SGCZ: variants seen among roughly 807,000 people sequenced by gnomAD.
SGCZ encodes the protein zeta-sarcoglycan.
A neutral mutation model predicts 41.3 loss-of-function variants in SGCZ; 40 were observed. The observed-to-expected ratio is 0.97, with a 90% confidence interval of 0.75 to 1.26. The LOEUF (loss-of-function observed/expected upper bound fraction) is 1.26. SGCZ is among the 50% of genes most tolerant of loss of function. The probability of loss-of-function intolerance (pLI) is 0.00; values close to 1 mark genes in which losing one functional copy is unlikely to be tolerated. For synonymous variants in SGCZ, 206 were observed against 137.5 expected (o/e 1.50, Z -3.49); for missense variants, 552 against 369.8 (o/e 1.49, Z -4.04).
chr8:14,989,559 C>A (rs184304948), intron 1 of SGCZ, among the ~76,000 whole-genome samples: 1 of 151,826 alleles, frequency 6.6e-6, no homozygotes, highest in East Asian at 1.9e-4. Context: ...GGGTAAGCAA[C>A]GTGCTCAGAG....
At chr8:14,209,598 A>T (rs745529039) in intron 4 of SGCZ, among the ~76,000 whole-genome samples, 1 of 152,166 alleles carries the variant, frequency 6.6e-6, no homozygotes, top group Non-Finnish European at 1.5e-5. Flanking sequence ...AGAATATTTA[A>T]TATAGGACAT....
chr8:14,832,258 T>C (rs1249097836), intron 1 of SGCZ, among the ~76,000 whole-genome samples: 1 of 152,198 alleles, frequency 6.6e-6, no homozygotes, highest in Non-Finnish European at 1.5e-5. Context: ...TGGATAACTA[T>C]CAATAAAGCT....
chr8:14,530,047 C>G (rs548218374), intron 2 of SGCZ, among the ~76,000 whole-genome samples: 41 of 152,008 alleles, frequency 2.7e-4, no homozygotes, highest in Non-Finnish European at 5.0e-4. Context: ...TTTAAACATC[C>G]TTAATCTGCC....
intron 1 of SGCZ, among the ~76,000 whole-genome samples, chr8:14,704,800 AAAC>A (rs953428105): frequency 3.9e-5 from 6 of 151,948 alleles, no homozygotes; most frequent in Non-Finnish European, 7.4e-5. Context: ...ACAAAAAAAC[AAAC>A]AACAACAACA....
At chr8:14,301,273 A>G (rs1283211977) in intron 3 of SGCZ, among the ~76,000 whole-genome samples, 1 of 152,018 alleles carries the variant, frequency 6.6e-6, no homozygotes, top group Non-Finnish European at 1.5e-5. Flanking sequence ...TCTTTATAGA[A>G]TCTCCTCTTC....
At chr8:14,892,804 A>T (rs949066558) in intron 1 of SGCZ, among the ~76,000 whole-genome samples, 4 of 152,106 alleles carry the variant, frequency 2.6e-5, no homozygotes, top group Non-Finnish European at 5.9e-5. Flanking sequence ...GATTGTACCC[A>T]TTTCACTCTT....
intron 2 of SGCZ, among the ~76,000 whole-genome samples, chr8:14,469,889 T>A (rs1031444262): frequency 6.6e-6 from 1 of 152,184 alleles, no homozygotes; most frequent in African/African-American, 2.4e-5. Context: ...TATCTTGTCC[T>A]GTGAATTTAT....
chr8:14,282,424 C>A (rs1800478376), intron 3 of SGCZ, among the ~76,000 whole-genome samples: 3 of 152,126 alleles, frequency 2.0e-5, no homozygotes. Context: ...GTAACTATCT[C>A]TTGATCCCTC....
At chr8:14,673,339 T>C (rs151018684) in intron 1 of SGCZ, among the ~76,000 whole-genome samples, 3 of 152,334 alleles carry the variant, frequency 2.0e-5, no homozygotes, top group South Asian at 2.1e-4. Context: ...TCCCCCATGC[T>C]ATTCTCATGA....
intron 1 of SGCZ, among the ~76,000 whole-genome samples, chr8:14,614,760 G>C (rs1324489252): frequency 2.0e-5 from 3 of 152,234 alleles, no homozygotes; most frequent in East Asian, 3.9e-4. Flanking sequence ...AGTGAAGAGA[G>C]TTAACATAAG....
At chr8:14,150,553 C>G (rs1412244565) in intron 5 of SGCZ, among the ~76,000 whole-genome samples, 1 of 152,024 alleles carries the variant, frequency 6.6e-6, no homozygotes, top group African/African-American at 2.4e-5. Flanking sequence ...GAAAAGGGAA[C>G]CCTTGTATAC....
intron 1 of SGCZ, among the ~76,000 whole-genome samples, chr8:14,860,091 G>C (rs994015532): frequency 6.6e-6 from 1 of 151,028 alleles, no homozygotes; most frequent in Non-Finnish European, 1.5e-5. Flanking sequence ...ACAGAAACTA[G>C]AAAACATAAA....
At chr8:14,573,283 C>T (rs1034017987) in intron 1 of SGCZ, among the ~76,000 whole-genome samples, 25 of 150,624 alleles carry the variant, frequency 1.7e-4, no homozygotes, top group African/African-American at 5.9e-4. Context: ...CTGCAAGCTC[C>T]GCCTCCCGGG....
intron 2 of SGCZ, among the ~76,000 whole-genome samples, chr8:14,490,639 A>G (rs1554526235): frequency 6.6e-6 from 1 of 152,174 alleles, no homozygotes; most frequent in Non-Finnish European, 1.5e-5. Context: ...CCAACCAATC[A>G]TTTATTGAGT....
At chr8:14,820,242 A>G (rs1802033716) in intron 1 of SGCZ, among the ~76,000 whole-genome samples, 2 of 152,070 alleles carry the variant, frequency 1.3e-5, no homozygotes, top group Non-Finnish European at 2.9e-5. Flanking sequence ...ACTTATAAAC[A>G]GACTTTAAGT....
At position 14,998,281 on chromosome 8, in the gene SGCZ, A is replaced by G. The variant is rs1279515847; in HGVS notation, c.39+239304T>C. 1.3e-5 allele frequency among the ~76,000 whole-genome samples: 2 copies of G among 152,226 alleles called. 1 individual carries two copies. The highest frequency in any genetic ancestry group is 2.9e-5 in the Non-Finnish European group (2 of 68,050). On this transcript the variant is annotated intron_variant, in intron 1 of 7. Coordinates refer to ENST00000382080, the MANE Select transcript of SGCZ (RefSeq NM_139167.4). ...GTTAAGAATATAACAGGCCTGTTGAACCCAGCCTAAGGCATCTTTTCCATG... is the reference window on the plus strand; with the variant it reads ...GTTAAGAATATAACAGGCCTGTTGAGCCCAGCCTAAGGCATCTTTTCCATG...
rs138897773 is a variant in SGCZ at position 15,198,479 on chromosome 8, G to C, written c.39+39106C>G. On this transcript the variant is annotated intron_variant, in intron 1 of 7. Transcript: ENST00000382080. ...CTATTGAAAATTTAGGTTAGGAAAT[G>C]AAAGTTTTTAAAAGTAGCACATCAA... Among the ~76,000 whole-genome samples the C allele has an allele frequency of 4.4e-3, 667 of 152,198 alleles. 5 individuals are homozygous for C. The highest frequency in any genetic ancestry group is 0.015 in the African/African-American group (630 of 41,530).
intron 3 of SGCZ, among the ~76,000 whole-genome samples, chr8:14,240,275 C>T (rs1208870262): frequency 6.9e-6 from 1 of 144,670 alleles, no homozygotes; most frequent in African/African-American, 2.6e-5. Context: ...ATTCAGTGAG[C>T]CCAGATTGCA....
At chr8:14,548,630 C>T (rs956996812) in intron 2 of SGCZ, among the ~76,000 whole-genome samples, 5 of 152,056 alleles carry the variant, frequency 3.3e-5, no homozygotes, top group Non-Finnish European at 7.4e-5. Flanking sequence ...AATAAAGTTT[C>T]TCCCATTTTC....
Sources: allele counts gnomAD v4.1 joint callset (sites outside exome capture counted in the v4.1 genomes callset), GRCh38; gene constraint gnomAD v4.1.1; transcripts MANE v1.5; gene names NCBI Gene and HGNC (gene_info 2026-07-23, HGNC 2026-07-21).